TMEM132D: variants seen among roughly 807,000 people sequenced by gnomAD.
TMEM132D encodes transmembrane protein 132D.
In TMEM132D, 21 loss-of-function variants were observed where a neutral mutation model predicts 62.3. The observed-to-expected ratio is 0.34, with a 90% CI of 0.24 to 0.49. TMEM132D has a LOEUF of 0.49. Ranked by LOEUF, TMEM132D falls within the 20% of genes least tolerant of loss-of-function variation. The pLI, the probability that TMEM132D is intolerant of heterozygous loss-of-function variation, is 0.99. For missense variants in TMEM132D, 1,346 were observed against 1,402.8 expected (o/e 0.96, Z 0.65); for synonymous variants, 621 against 575.6 (o/e 1.08, Z -1.13).
chr12:129,315,713 G>T (rs1205741460), intron 4 of TMEM132D, among the ~76,000 whole-genome samples: 1 of 152,118 alleles, frequency 6.6e-6, no homozygotes, highest in Non-Finnish European at 1.5e-5. Flanking sequence ...AGGATCAAAA[G>T]GATTGCTACC....
intron 3 of TMEM132D, among the ~76,000 whole-genome samples, chr12:129,475,747 A>T (rs954479101): frequency 1.3e-5 from 2 of 152,228 alleles, no homozygotes; most frequent in Non-Finnish European, 2.9e-5. Flanking sequence ...CGTCCAGCAG[A>T]GCTGCAGGAC....
intron 4 of TMEM132D, among the ~76,000 whole-genome samples, chr12:129,221,723 A>T (rs543025896): frequency 4.8e-4 from 73 of 152,276 alleles, no homozygotes; most frequent in African/African-American, 1.6e-3. Context: ...TCAGTAACCT[A>T]ATCAGTAGAA....
At chr12:129,814,744 G>A (rs1377545972) in intron 1 of TMEM132D, among the ~76,000 whole-genome samples, 1 of 151,906 alleles carries the variant, frequency 6.6e-6, no homozygotes, top group Non-Finnish European at 1.5e-5. Flanking sequence ...TACTAACTGA[G>A]CTCTAACCAC....
intron 1 of TMEM132D, among the ~76,000 whole-genome samples, chr12:129,721,380 C>A (rs1335339872): frequency 6.6e-6 from 1 of 152,110 alleles, no homozygotes; most frequent in Non-Finnish European, 1.5e-5. Flanking sequence ...GGGTGGGATG[C>A]CTTAACGGGG....
At chr12:129,081,623 C>T in intron 7 of TMEM132D, 136 bp downstream of exon 7, 1 of 1,313,498 alleles carries the variant, frequency 7.6e-7, no homozygotes. Context: ...GCTTACTCCA[C>T]AATTTCTTTG....
At chr12:129,716,487 A>G (rs1049302689) in intron 1 of TMEM132D, among the ~76,000 whole-genome samples, 4 of 152,202 alleles carry the variant, frequency 2.6e-5, no homozygotes, top group African/African-American at 4.8e-5. Context: ...GCTGACCTAC[A>G]AGGTGCACTG....
At chr12:129,794,619 G>T (rs1042712146) in intron 1 of TMEM132D, among the ~76,000 whole-genome samples, 11 of 152,132 alleles carry the variant, frequency 7.2e-5, no homozygotes, top group Admixed American at 6.6e-4. Context: ...TCCATAATTT[G>T]TGTTATTTTT....
At chr12:129,868,432 G>A (rs1874130413) in intron 1 of TMEM132D, among the ~76,000 whole-genome samples, 4 of 152,124 alleles carry the variant, frequency 2.6e-5, no homozygotes, top group Admixed American at 6.5e-5. Context: ...AGTAAATAAC[G>A]TATTAGGATT....
At position 129,827,590 on chromosome 12, in the gene TMEM132D, G is replaced by C. The variant is rs150226902; in HGVS notation, c.79+75671C>G. On this transcript the variant is annotated intron_variant, in intron 1 of 8. Transcript: ENST00000422113. This position sits in a 1 kb window ranked among gnomAD's most constrained non-coding sequence, Gnocchi z 9.7. ...GCTGGAACCCACGTTCTGAGCCTGC[G>C]GTGTTTCCTGCTGTGGCAGTTCACT... Among the ~76,000 whole-genome samples, 59 of 152,138 alleles carry C rather than the reference G, an allele frequency of 3.9e-4. No homozygotes were observed. The highest frequency in any genetic ancestry group is 5.2e-4 in the Admixed American group (8 of 15,270).
At chr12:129,808,941 A>G (rs1362395751) in intron 1 of TMEM132D, among the ~76,000 whole-genome samples, 2 of 152,210 alleles carry the variant, frequency 1.3e-5, no homozygotes, top group South Asian at 2.1e-4. Flanking sequence ...GATAGAATAA[A>G]CTTTTGGACT....
At chr12:129,406,241 C>T (rs968976185) in intron 3 of TMEM132D, among the ~76,000 whole-genome samples, 5 of 152,168 alleles carry the variant, frequency 3.3e-5, no homozygotes, top group Admixed American at 6.5e-5. Context: ...GTCTTCAAGA[C>T]GTATTTTTTA....
intron 4 of TMEM132D, among the ~76,000 whole-genome samples, chr12:129,233,512 G>A (rs12423580): frequency 0.2 from 29,741 of 152,138 alleles, 2,987 homozygotes; most frequent in Non-Finnish European, 0.22. Flanking sequence ...ATGCTCCCTC[G>A]TATGTTGGAG....
chr12:129,546,879 AC>A (rs1876753525), intron 2 of TMEM132D, among the ~76,000 whole-genome samples: 1 of 152,174 alleles, frequency 6.6e-6, no homozygotes, highest in African/African-American at 2.4e-5. Context: ...CTTCTGAAAG[AC>A]ATCTTTGCAA....
At chr12:129,761,634 C>T (rs1158656266) in intron 1 of TMEM132D, among the ~76,000 whole-genome samples, 1 of 152,194 alleles carries the variant, frequency 6.6e-6, no homozygotes, top group Non-Finnish European at 1.5e-5. Context: ...CGCGGTTGGC[C>T]ACAGCTCCCC....
intron 3 of TMEM132D, among the ~76,000 whole-genome samples, chr12:129,523,112 G>GCA (rs59081530): frequency 7.9e-5 from 12 of 151,586 alleles, no homozygotes; most frequent in South Asian, 2.1e-4. Context: ...ACACGCACGT[G>GCA]CACACACACA....
At chr12:129,143,882 C>T (rs946340100) in intron 5 of TMEM132D, among the ~76,000 whole-genome samples, 21 of 152,032 alleles carry the variant, frequency 1.4e-4, no homozygotes, top group African/African-American at 4.8e-4. Flanking sequence ...AAATTGTGCC[C>T]TTCAGAGTGA....
chr12:129,289,060 A>G (rs11060236), intron 4 of TMEM132D, among the ~76,000 whole-genome samples: 4,627 of 152,264 alleles, frequency 0.03, 113 homozygotes, highest in Admixed American at 0.063. Context: ...AGTCAAACTC[A>G]TAGAAGCAGA....
chr12:129,350,383 T>C (rs568969004), intron 3 of TMEM132D, among the ~76,000 whole-genome samples: 1 of 152,290 alleles, frequency 6.6e-6, no homozygotes, highest in Non-Finnish European at 1.5e-5. Flanking sequence ...CCAACTGCAG[T>C]TAAACTTCTG....
intron 1 of TMEM132D, among the ~76,000 whole-genome samples, chr12:129,719,725 G>A (rs569036251): frequency 2.6e-5 from 4 of 152,208 alleles, no homozygotes; most frequent in South Asian, 2.1e-4. Flanking sequence ...CTTCAGCTCC[G>A]CAGTGAAGCA....
Sources: gnomAD v4.1 joint callset for allele counts (sites outside exome capture counted in the v4.1 genomes callset) on GRCh38, gnomAD v4.1.1 for gene constraint, Gnocchi (gnomAD v3.1) non-coding constraint, MANE v1.5 for transcripts, NCBI Gene and HGNC (gene_info 2026-07-23, HGNC 2026-07-21) for gene names.